The following CACNA2D1 variants were observed in gnomAD, a reference collection of about 807,000 sequenced individuals.
CACNA2D1 encodes the protein voltage-dependent calcium channel subunit alpha-2/delta-1.
CACNA2D1 carries 53 observed loss-of-function variants against 171.5 expected under a neutral mutation model. The ratio of observed to expected loss-of-function variants is 0.31; its 90% confidence interval spans 0.25 to 0.39. The LOEUF is 0.39. CACNA2D1 is among the 10% of genes least tolerant of loss of function. The pLI, the probability that CACNA2D1 is intolerant of heterozygous loss-of-function variation, is 1.00. For missense variants in CACNA2D1, 903 were observed against 1,299.8 expected (o/e 0.69, Z 4.69); for synonymous variants, 442 against 443.1 (o/e 1.00, Z 0.03).
intron 6 of CACNA2D1, among the ~76,000 whole-genome samples, chr7:82,106,053 T>C (rs889433135): frequency 6.6e-6 from 1 of 152,184 alleles, no homozygotes; most frequent in African/African-American, 2.4e-5. Context: ...CTAAATCCAA[T>C]CTGAATGTTT....
At chr7:82,420,920 T>A (rs1207660133) in intron 1 of CACNA2D1, among the ~76,000 whole-genome samples, 2 of 152,170 alleles carry the variant, frequency 1.3e-5, no homozygotes, top group Non-Finnish European at 2.9e-5. Flanking sequence ...CTTTTACACT[T>A]CTTCAAGTCC....
At chr7:82,267,758 G>C (rs1163900065) in intron 3 of CACNA2D1, among the ~76,000 whole-genome samples, 1 of 152,166 alleles carries the variant, frequency 6.6e-6, no homozygotes, top group Non-Finnish European at 1.5e-5. Flanking sequence ...ACTTTGGGAG[G>C]CCGAGGTGGG....
intron 3 of CACNA2D1, among the ~76,000 whole-genome samples, chr7:82,290,073 T>C (rs1420900312): frequency 2.6e-5 from 4 of 152,236 alleles, no homozygotes; most frequent in Admixed American, 2.6e-4. Context: ...TCAGAAGTTG[T>C]TCCTATTAGG....
chr7:82,225,828 G>T (rs1378860812), intron 3 of CACNA2D1, among the ~76,000 whole-genome samples: 1 of 152,018 alleles, frequency 6.6e-6, no homozygotes, highest in Non-Finnish European at 1.5e-5. Flanking sequence ...TTTCTAAAAT[G>T]GATGTCAATA....
At chr7:81,974,215 G>A (rs889353747) in intron 25 of CACNA2D1, among the ~76,000 whole-genome samples, 2 of 151,810 alleles carry the variant, frequency 1.3e-5, no homozygotes, top group Non-Finnish European at 2.9e-5. Context: ...CCATATTTAC[G>A]TTTAACCATT....
rs554989722 is a variant in CACNA2D1, at chr7:81,993,265, G to A, written c.1734+1603C>T. ...TCAGGTGTAAATAGAGGTTCTGTGGGAAACATTTCCTAGGTGAGGAATTTC... is the reference window on the plus strand; with the variant it reads ...TCAGGTGTAAATAGAGGTTCTGTGGAAAACATTTCCTAGGTGAGGAATTTC... On this transcript the variant is annotated intron_variant, in intron 20 of 38. Transcript: ENST00000356860. Among the ~76,000 whole-genome samples, 24 of 152,210 alleles carry A rather than the reference G, an allele frequency of 1.6e-4. No homozygotes were observed. The South Asian group carries it at 3.9e-3, about 25-fold the overall frequency.
Position 82,414,070 on chromosome 7 carries a change from A to T in CACNA2D1, c.95+29295T>A, listed in dbSNP as rs190941019. Among the ~76,000 whole-genome samples, 13 of 152,314 alleles carry T rather than the reference A, an allele frequency of 8.5e-5. No individual in the cohort carries two copies. In the East Asian group the frequency reaches 2.3e-3, roughly 27 times the overall value. The stretch of plus-strand genomic sequence containing the variant: ...ATGCAATTACTGGTGTCTGCACTTC[A>T]TCACTTCTAATGATGTCCAAACTTC... On this transcript the variant is annotated intron_variant, in intron 1 of 38. Coordinates refer to ENST00000356860, the MANE Select transcript of CACNA2D1 (RefSeq NM_000722.4).
chr7:82,027,360 T>A (rs1486745595), intron 12 of CACNA2D1, among the ~76,000 whole-genome samples: 4 of 151,716 alleles, frequency 2.6e-5, no homozygotes, highest in African/African-American at 9.7e-5. Flanking sequence ...GGATGTCATT[T>A]AACTTCACAG....
At chr7:82,116,344 C>A (rs891403996) in intron 6 of CACNA2D1, among the ~76,000 whole-genome samples, 1 of 152,170 alleles carries the variant, frequency 6.6e-6, no homozygotes, top group East Asian at 1.9e-4. Context: ...TAATGCAAAG[C>A]GTGTCTCTAA....
chr7:82,160,572 A>G (rs1794843561), intron 4 of CACNA2D1, among the ~76,000 whole-genome samples: 1 of 152,040 alleles, frequency 6.6e-6, no homozygotes, highest in South Asian at 2.1e-4. Flanking sequence ...GTGCTGTAGC[A>G]CAATCACTGC....
intron 36 of CACNA2D1, among the ~76,000 whole-genome samples, chr7:81,961,690 A>T (rs1458813325): frequency 6.6e-6 from 1 of 151,868 alleles, no homozygotes; most frequent in African/African-American, 2.4e-5. Context: ...TTAGAATTTT[A>T]AAAATTACAA....
chr7:82,037,965 T>C, intron 11 of CACNA2D1, 112 bp downstream of exon 11: 1 of 1,052,242 alleles, frequency 9.5e-7, no homozygotes, highest in East Asian at 2.4e-5. Flanking sequence ...GTGTTTTAAA[T>C]AAATGAAAAA....
intron 10 of CACNA2D1, among the ~76,000 whole-genome samples, chr7:82,045,150 A>C (rs1380988811): frequency 2.0e-5 from 3 of 152,124 alleles, no homozygotes; most frequent in Non-Finnish European, 4.4e-5. Flanking sequence ...GTTATCTGTT[A>C]CCAAATTACT....
chr7:81,967,676 TTTGAA>T lies in CACNA2D1; in HGVS notation c.2396-18_2396-14del, dbSNP rs1235907742. ...TTAATTCCAACAACTGAAAAATTAA[TTTGAA>T]TTAATTCAAAGGTATAATTAGATGT... On this transcript the variant is annotated splice_polypyrimidine_tract_variant and intron_variant, in intron 29 of 38. Transcript: ENST00000356860. The T allele has an allele frequency of 8.3e-7, 1 of 1,212,104 alleles. No individual in the cohort carries two copies. The highest frequency in any genetic ancestry group is 1.2e-6 in the Non-Finnish European group (1 of 826,916). The allele number at this position is 1,212,104 out of a possible 1,614,324, so 75.1% of individuals were successfully genotyped here. A position where few individuals can be genotyped will look rare whatever the true frequency, so the allele number is the denominator to read the frequency against.
rs562315374 is a variant in CACNA2D1, at chr7:82,174,278, T to C, written c.295-3669A>G. Among the ~76,000 whole-genome samples the C allele has an allele frequency of 2.6e-5, 4 of 152,066 alleles. No homozygotes were observed. In the South Asian group the frequency reaches 8.3e-4, roughly 32 times the overall value. On this transcript the variant is annotated intron_variant, in intron 3 of 38. Transcript: ENST00000356860. ...CCACACAGAAATAAAAAACCTGGAT[T>C]ACAATGAATACCTATGAGAAAAATT...
At chr7:81,961,581 G>T (rs941318870) in intron 36 of CACNA2D1, among the ~76,000 whole-genome samples, 23 of 151,406 alleles carry the variant, frequency 1.5e-4, no homozygotes, top group Non-Finnish European at 3.4e-4. Flanking sequence ...AGGAAAAAAA[G>T]TTAAAATATA....
At chr7:82,180,163 T>C (rs1417248133) in intron 3 of CACNA2D1, among the ~76,000 whole-genome samples, 1 of 152,120 alleles carries the variant, frequency 6.6e-6, no homozygotes, top group African/African-American at 2.4e-5. Context: ...CCTTGGAATA[T>C]AGAGATAGTG....
intron 4 of CACNA2D1, among the ~76,000 whole-genome samples, chr7:82,157,796 G>T (rs1031159006): frequency 1.3e-5 from 2 of 151,850 alleles, no homozygotes; most frequent in Admixed American, 1.3e-4. Context: ...AATGCTCTTT[G>T]TTTCAAAACC....
intron 38 of CACNA2D1, among the ~76,000 whole-genome samples, chr7:81,957,202 A>G (rs924545044): frequency 6.6e-6 from 1 of 152,138 alleles, no homozygotes; most frequent in African/African-American, 2.4e-5. Flanking sequence ...AAGCCTGTAT[A>G]TCTGTCTCTG....
Sources: gnomAD v4.1 joint callset for allele counts (sites outside exome capture counted in the v4.1 genomes callset) on GRCh38, gnomAD v4.1.1 for gene constraint, MANE v1.5 for transcripts, NCBI Gene and HGNC (gene_info 2026-07-23, HGNC 2026-07-21) for gene names.